The following LOXHD1 variants were observed in gnomAD, a reference collection of about 807,000 sequenced individuals.
LOXHD1 encodes lipoxygenase homology PLAT domains 1, also known as lipoxygenase homology domain-containing protein 1.
Under a neutral mutation model 248.2 loss-of-function variants are expected in LOXHD1, and 205 were observed. The ratio of observed to expected loss-of-function variants is 0.83; its 90% CI spans 0.74 to 0.93. The LOEUF (loss-of-function observed/expected upper bound fraction) is 0.93. Among genes scored for constraint, LOXHD1 ranks in the 40% least tolerant of loss-of-function variants. The pLI, the probability that LOXHD1 is intolerant of heterozygous loss-of-function variation, is 0.00. For synonymous variants in LOXHD1, 1,113 were observed against 1,162.8 expected, an observed-to-expected ratio of 0.96 and a Z score of 0.87; for missense variants, 2,930 against 2,971.6, an observed-to-expected ratio of 0.99 and a Z score of 0.33.
Position 46,507,398 on chromosome 18 carries a change from C to T in LOXHD1, c.5692+140G>A, listed in dbSNP as rs185293211. 1.7e-4 allele frequency: 151 copies of T among 874,586 alleles called. No homozygotes were observed. In the East Asian group the frequency reaches 2.0e-3, roughly 12 times the overall value. 54.2% of individuals were successfully genotyped at this position (874,586 alleles called of 1,614,324 possible). Reference sequence around the variant, plus strand: ...TGCTTTGTCCAGACAGAAAGCGACACACTGTGGAGAAAACTTGGATTGACT... The same window carrying T: ...TGCTTTGTCCAGACAGAAAGCGACATACTGTGGAGAAAACTTGGATTGACT... On this transcript the variant is annotated intron_variant, in intron 36 of 40. Coordinates refer to ENST00000642948, the MANE Select transcript of LOXHD1 (RefSeq NM_001384474.1).
At chr18:46,535,581 TTTGTTGTTGTTG>T (rs59194307) in intron 26 of LOXHD1, among the ~76,000 whole-genome samples, 2 of 128,930 alleles carry the variant, frequency 1.6e-5, no homozygotes, top group Non-Finnish European at 3.5e-5. Flanking sequence ...TGCCTCTGTT[TTTGTTGTTGTTG>T]TTGTTGTTGT....
chr18:46,533,882 G>C (rs1048808954), intron 27 of LOXHD1: 2 of 175,804 alleles, frequency 1.1e-5, no homozygotes, highest in Non-Finnish European at 2.4e-5. Context: ...CTCCAGCCTG[G>C]GTGATGGAGC....
intron 4 of LOXHD1, among the ~76,000 whole-genome samples, chr18:46,627,999 A>C (rs903006411): frequency 1.3e-5 from 2 of 152,218 alleles, no homozygotes; most frequent in Non-Finnish European, 2.9e-5. Flanking sequence ...GGTGCATAGA[A>C]GGCTCCCCGC....
At chr18:46,648,453 A>G (rs1051837678) in intron 2 of LOXHD1, among the ~76,000 whole-genome samples, 3 of 152,320 alleles carry the variant, frequency 2.0e-5, no homozygotes, top group Admixed American at 6.5e-5. Context: ...CAGCTGATCA[A>G]TTCTGTTCCA....
At chr18:46,488,869 T>C (rs1409978328) in intron 38 of LOXHD1, 103 bp downstream of exon 38, 3 of 1,255,606 alleles carry the variant, frequency 2.4e-6, no homozygotes, top group Non-Finnish European at 3.3e-6. Flanking sequence ...CTCCATATTA[T>C]TCCCTGTATC....
intron 11 of LOXHD1, 115 bp from the exon 12 acceptor site, chr18:46,592,183 A>T: frequency 7.3e-7 from 1 of 1,375,196 alleles, no homozygotes; most frequent in Non-Finnish European, 1.0e-6. Context: ...CCTGGAGATA[A>T]TCCTTATGGC....
intron 21 of LOXHD1, among the ~76,000 whole-genome samples, chr18:46,551,855 A>G (rs966284860): frequency 9.2e-5 from 14 of 152,230 alleles, no homozygotes; most frequent in African/African-American, 3.4e-4. Context: ...ACATACAATG[A>G]AATATTATTC....
intron 19 of LOXHD1, 31 bp downstream of exon 19, chr18:46,560,051 CT>C: frequency 6.8e-5 from 89 of 1,310,594 alleles, no homozygotes; most frequent in Middle Eastern, 1.9e-4. Context: ...TGGCCACTCC[CT>C]CCCCACCCCC....
chr18:46,649,423 C>G (rs779569008), intron 1 of LOXHD1, among the ~76,000 whole-genome samples, 154 bp from the exon 2 acceptor site: 1 of 152,192 alleles, frequency 6.6e-6, no homozygotes, highest in Non-Finnish European at 1.5e-5. Flanking sequence ...CATGGTGAGA[C>G]CCACGATATG....
At chr18:46,531,772 T>C (rs1681042920) in intron 28 of LOXHD1, among the ~76,000 whole-genome samples, 1 of 152,180 alleles carries the variant, frequency 6.6e-6, no homozygotes, top group Admixed American at 6.5e-5. Context: ...TTTTGTGGTG[T>C]GTTATCCACA....
chr18:46,564,417 A>G (rs2037596057), intron 17 of LOXHD1, among the ~76,000 whole-genome samples: 1 of 152,162 alleles, frequency 6.6e-6, no homozygotes, highest in African/African-American at 2.4e-5. Flanking sequence ...CTGTAGTCCC[A>G]GCTACTCAAG....
At chr18:46,553,382 AG>A (rs1465707283) in intron 21 of LOXHD1, among the ~76,000 whole-genome samples, 7 of 152,204 alleles carry the variant, frequency 4.6e-5, no homozygotes, top group South Asian at 2.1e-4. Flanking sequence ...GCCTTTCCCA[AG>A]GCCACATAAC....
At chr18:46,644,242 T>C (rs1301103690) in intron 2 of LOXHD1, among the ~76,000 whole-genome samples, 1 of 152,142 alleles carries the variant, frequency 6.6e-6, no homozygotes, top group Non-Finnish European at 1.5e-5. Context: ...GAAACAGCCA[T>C]TGCCAGCAAG....
At chr18:46,609,042 G>A (rs1235050546) in intron 6 of LOXHD1, among the ~76,000 whole-genome samples, 1 of 152,180 alleles carries the variant, frequency 6.6e-6, no homozygotes, top group African/African-American at 2.4e-5. Context: ...TTCCAAGGAG[G>A]GCTCTGCTTT....
At chr18:46,614,267 C>G (rs1191755175) in intron 5 of LOXHD1, among the ~76,000 whole-genome samples, 1 of 152,142 alleles carries the variant, frequency 6.6e-6, no homozygotes, top group Non-Finnish European at 1.5e-5. Flanking sequence ...GACACATGCA[C>G]ATGTATGTTT....
intron 8 of LOXHD1, among the ~76,000 whole-genome samples, chr18:46,595,147 T>G (rs1167646558): frequency 6.6e-6 from 1 of 152,226 alleles, no homozygotes; most frequent in Non-Finnish European, 1.5e-5. Flanking sequence ...CCAACCATTG[T>G]CTTACTGGGT....
At position 46,631,530 on chromosome 18, in the gene LOXHD1, C is replaced by T. The variant is rs141386678; in HGVS notation, c.511+8086G>A. 2.6e-4 allele frequency among the ~76,000 whole-genome samples: 39 copies of T among 152,260 alleles called. No homozygotes were observed. The East Asian group carries it at 4.6e-3, about 18-fold the overall frequency. ...CTGAGGCAGAGGAAGTGGGTAATGC[C>T]GTCCAGAGAGGCTGAGGCTTTCCAT... On this transcript the variant is annotated intron_variant, in intron 4 of 40. Coordinates refer to ENST00000642948, the MANE Select transcript of LOXHD1 (RefSeq NM_001384474.1).
At position 46,485,165 on chromosome 18, in the gene LOXHD1, G is replaced by A. The variant is rs886053823; in HGVS notation, c.6050-14C>T. On this transcript the variant is annotated splice_polypyrimidine_tract_variant and intron_variant, in intron 38 of 40. Transcript: ENST00000642948. The stretch of plus-strand genomic sequence containing the variant: ...CGATCTCGTAGGCTGTAATGGAGGA[G>A]GTGGGGGAGGGTCAGCACAGGGGAA... 2 of 1,547,574 alleles carry A rather than the reference G, an allele frequency of 1.3e-6. No homozygotes were observed. The highest frequency in any genetic ancestry group is 1.4e-5 in the African/African-American group (1 of 72,474).
chr18:46,499,172 C>T (rs1462576816), intron 37 of LOXHD1, among the ~76,000 whole-genome samples: 4 of 152,136 alleles, frequency 2.6e-5, no homozygotes, highest in African/African-American at 7.2e-5. Flanking sequence ...AATTACAGTT[C>T]AGTGTTGTGA....
Sources: gnomAD v4.1 joint callset for allele counts (sites outside exome capture counted in the v4.1 genomes callset) on GRCh38, gnomAD v4.1.1 for gene constraint, MANE v1.5 for transcripts, NCBI Gene and HGNC (gene_info 2026-07-23, HGNC 2026-07-21) for gene names.